PLA2G4C: variants seen among roughly 807,000 people sequenced by gnomAD.
PLA2G4C encodes phospholipase A2 group IVC.
PLA2G4C carries 64 observed loss-of-function variants against 73.8 expected under a neutral mutation model. That is an observed-to-expected ratio of 0.87 (90% confidence interval 0.71 to 1.07). The LOEUF (loss-of-function observed/expected upper bound fraction) is 1.07. PLA2G4C is among the 50% of genes least tolerant of loss of function. The probability of loss-of-function intolerance (pLI) is 0.00; values close to 1 mark genes in which losing one functional copy is unlikely to be tolerated. For missense variants in PLA2G4C, 622 were observed against 665.4 expected (o/e 0.93, Z 0.72); for synonymous variants, 254 against 252.1 (o/e 1.01, Z -0.07).
At chr19:48,077,900 G>A (rs2030276585) in intron 10 of PLA2G4C, 76 bp from the exon 11 acceptor site, 8 of 1,219,410 alleles carry the variant, frequency 6.6e-6, no homozygotes, top group African/African-American at 1.5e-5. Context: ...TACCTGCAGC[G>A]ACGTCTCTTT....
At chr19:48,075,436 C>G (rs750405587) in intron 11 of PLA2G4C, among the ~76,000 whole-genome samples, 2 of 151,984 alleles carry the variant, frequency 1.3e-5, no homozygotes, top group Non-Finnish European at 1.5e-5. Flanking sequence ...ATCCACCCCC[C>G]TCAGCCTCCC....
At chr19:48,091,358 G>A (rs1233521077) in intron 7 of PLA2G4C, among the ~76,000 whole-genome samples, 1 of 151,918 alleles carries the variant, frequency 6.6e-6, no homozygotes, top group Non-Finnish European at 1.5e-5. Context: ...GCTAATTTTT[G>A]TATTTTTTAA....
At chr19:48,049,123 C>T (rs1441206834) in intron 16 of PLA2G4C, among the ~76,000 whole-genome samples, 1 of 152,146 alleles carries the variant, frequency 6.6e-6, no homozygotes, top group African/African-American at 2.4e-5. Context: ...GCTTCTTGCA[C>T]AGCCTACAGA....
chr19:48,106,605 G>A (rs1449761356), intron 1 of PLA2G4C, 44 bp from the exon 2 acceptor site: 11 of 1,537,204 alleles, frequency 7.2e-6, no homozygotes, highest in Non-Finnish European at 9.9e-6. Context: ...CCACTGTTGG[G>A]CTTAGCAAAG....
At chr19:48,085,212 A>T in intron 9 of PLA2G4C, 100 bp from the exon 10 acceptor site, 1 of 799,294 alleles carries the variant, frequency 1.3e-6, no homozygotes, top group Non-Finnish European at 2.2e-6. Flanking sequence ...CACTGCAGGG[A>T]TCTGCAGCAG....
At chr19:48,087,205 C>T (rs1466952689) in intron 9 of PLA2G4C, among the ~76,000 whole-genome samples, 1 of 152,206 alleles carries the variant, frequency 6.6e-6, no homozygotes, top group East Asian at 1.9e-4. Flanking sequence ...TGGGAAGTTT[C>T]TTTCAGCAGG....
chr19:48,067,492 G>A (rs1968478005), intron 13 of PLA2G4C, among the ~76,000 whole-genome samples: 1 of 152,160 alleles, frequency 6.6e-6, no homozygotes. Context: ...TGAAGACCAG[G>A]TCCTAGGACT....
intron 4 of PLA2G4C, among the ~76,000 whole-genome samples, chr19:48,100,603 TAAAAAAAAA>T (rs745962740): frequency 9.8e-5 from 4 of 40,658 alleles, no homozygotes; most frequent in African/African-American, 5.9e-4. Flanking sequence ...TGACTCCATC[TAAAAAAAAA>T]AAAAAAAAAA....
At chr19:48,049,586 T>C (rs11564667) in intron 16 of PLA2G4C, among the ~76,000 whole-genome samples, 7,646 of 152,218 alleles carry the variant, frequency 0.05, 234 homozygotes, top group East Asian at 0.073. Context: ...GCGGACTGGA[T>C]CTAGCAGGCA....
intron 10 of PLA2G4C, among the ~76,000 whole-genome samples, chr19:48,079,396 A>T (rs1476842164): frequency 2.6e-5 from 4 of 152,198 alleles, no homozygotes; most frequent in Admixed American, 2.6e-4. Context: ...TCTTCGACAA[A>T]GCAAACAAAA....
chr19:48,103,062 G>A (rs1000014696), intron 4 of PLA2G4C, among the ~76,000 whole-genome samples: 3 of 152,102 alleles, frequency 2.0e-5, no homozygotes, highest in African/African-American at 7.2e-5. Context: ...TTGTAGAGAT[G>A]GGGTCTTGCT....
At position 48,067,208 on chromosome 19, in the gene PLA2G4C, G is replaced by GC. The variant is rs1383255354; in HGVS notation, c.1102+582dup. Reference sequence around the variant, plus strand: ...TTTTTAGATGGTGTCTCGCTCTGTTGCCAGGCTGGAGTGCAGTGGGATGAT... The same window carrying GC: ...TTTTTAGATGGTGTCTCGCTCTGTTGCCCAGGCTGGAGTGCAGTGGGATGAT... On this transcript the variant is annotated intron_variant, in intron 13 of 16. Coordinates refer to ENST00000599921, the MANE Select transcript of PLA2G4C (RefSeq NM_003706.3). Among the ~76,000 whole-genome samples, 4 of 149,558 alleles carry GC rather than the reference G, an allele frequency of 2.7e-5. No individual in the cohort carries two copies. The East Asian group carries it at 5.9e-4, about 22-fold the overall frequency.
intron 7 of PLA2G4C, 79 bp downstream of exon 7, chr19:48,095,385 A>C (rs1369991696): frequency 7.2e-7 from 1 of 1,391,740 alleles, no homozygotes; most frequent in Non-Finnish European, 1.0e-6. Flanking sequence ...AGCTGGGCAA[A>C]CTAGACCCTC....
chr19:48,105,929 CCCTCCCTCCCTCCCTCCCTTCTTT>C (rs2032194104), intron 2 of PLA2G4C, among the ~76,000 whole-genome samples: 2 of 13,104 alleles, frequency 1.5e-4, no homozygotes, highest in African/African-American at 1.3e-3. Flanking sequence ...CTCCCTCCCT[CCCTCCCTCCCTCCCTCCCTTCTTT>C]CTTTCTTTCT....
chr19:48,077,843 AG>A lies in PLA2G4C; in HGVS notation c.845-20del. 1.3e-6 allele frequency: 2 copies of A among 1,599,712 alleles called. No homozygotes were observed. The highest frequency in any genetic ancestry group is 1.7e-5 in the Admixed American group (1 of 57,802). On this transcript the variant is annotated intron_variant, in intron 10 of 16. Coordinates refer to ENST00000599921, the MANE Select transcript of PLA2G4C (RefSeq NM_003706.3). ...AATCGGGCTGCAAAAGAGCAGAGGC[AG>A]GGGGAATGTTTAACTGTAAAGTCAC...
In PLA2G4C at chr19:48,071,276, GC is replaced by G. The variant is rs1339229044; in HGVS notation, c.1007-3391del. Among the ~76,000 whole-genome samples the G allele has an allele frequency of 2.0e-5, 3 of 147,492 alleles. No homozygotes were observed. In the Admixed American group the frequency reaches 2.1e-4, roughly 10 times the overall value. On this transcript the variant is annotated intron_variant, in intron 12 of 16. Coordinates refer to ENST00000599921, the MANE Select transcript of PLA2G4C (RefSeq NM_003706.3). ...AACATGTTAAAGAAAACTAAATGTG[GC>G]CTGAGGACTCCATACTTCTTCTTTT...
At position 48,110,767 on chromosome 19, in the gene PLA2G4C, C is replaced by G; in HGVS notation, c.-313G>C. On this transcript the variant is annotated 5_prime_UTR_variant, in exon 1 of 17. Transcript: ENST00000599921. The stretch of plus-strand genomic sequence containing the variant: ...GTAAAATGGCCCCTGCGCCTTTAAA[C>G]AGCCCTCCTCGGCTTGTAGGCCCTG... 1 of 408,742 alleles carries G rather than the reference C, an allele frequency of 2.4e-6. No individual in the cohort carries two copies. The highest frequency in any genetic ancestry group is 4.3e-6 in the Non-Finnish European group (1 of 230,566). 25.3% of individuals were successfully genotyped at this position (408,742 alleles called of 1,614,324 possible). A position where few individuals can be genotyped will look rare whatever the true frequency, so the allele number is the denominator to read the frequency against.
chr19:48,083,107 G>A (rs948427482), intron 10 of PLA2G4C, among the ~76,000 whole-genome samples: 5 of 151,918 alleles, frequency 3.3e-5, no homozygotes, highest in African/African-American at 4.8e-5. Flanking sequence ...GAGCCACCGC[G>A]CCTGGCCCTG....
At chr19:48,070,716 G>A (rs1310779563) in intron 12 of PLA2G4C, among the ~76,000 whole-genome samples, 1 of 152,052 alleles carries the variant, frequency 6.6e-6, no homozygotes, top group Non-Finnish European at 1.5e-5. Flanking sequence ...ACACAGGGAG[G>A]GGAACAACAC....
Sources: gnomAD v4.1 joint callset for allele counts (sites outside exome capture counted in the v4.1 genomes callset) on GRCh38, gnomAD v4.1.1 for gene constraint, MANE v1.5 for transcripts, NCBI Gene and HGNC (gene_info 2026-07-23, HGNC 2026-07-21) for gene names.